Variants in FAM227B observed in about 807,000 individuals in gnomAD.
FAM227B encodes family with sequence similarity 227 member B.
FAM227B carries 88 observed loss-of-function variants against 73.8 expected under a neutral mutation model. The ratio of observed to expected loss-of-function variants is 1.19; its 90% confidence interval spans 1.00 to 1.42. FAM227B has a LOEUF of 1.42. Ranked by LOEUF, FAM227B falls within the 40% of genes most tolerant of loss-of-function variation. FAM227B has a pLI of 0.00. For synonymous variants in FAM227B, 210 were observed against 190.5 expected, an observed-to-expected ratio of 1.10 and a Z score of -0.84; for missense variants, 632 against 590.9, an observed-to-expected ratio of 1.07 and a Z score of -0.72.
chr15:49,583,486 T>G (rs75410533), intron 5 of FAM227B, among the ~76,000 whole-genome samples: 1 of 152,128 alleles, frequency 6.6e-6, no homozygotes, highest in Non-Finnish European at 1.5e-5. Context: ...GTCAGGAGGT[T>G]ACTCTTTTTG....
intron 13 of FAM227B, 75 bp downstream of exon 13, chr15:49,367,373 T>G: frequency 1.8e-5 from 23 of 1,268,996 alleles, no homozygotes; most frequent in Non-Finnish European, 2.2e-5. Flanking sequence ...GTTTCTCAAT[T>G]GAGACATTCA....
Position 49,328,700 on chromosome 15 carries a change from G to A in FAM227B, c.1420-25C>T, listed in dbSNP as rs368311811. ...GCTATGAAAATAATACATGATTAAA[G>A]TTTCACAGATCTTCTTGGACATTGT... is the stretch of plus-strand genomic sequence containing the variant. On this transcript the variant is annotated intron_variant, in intron 15 of 15. Transcript: ENST00000299338. 4 of 1,547,744 alleles carry A rather than the reference G, an allele frequency of 2.6e-6. No homozygotes were observed. The African/African-American group carries it at 5.5e-5, about 21-fold the overall frequency.
chr15:49,539,436 C>A (rs896223078), intron 10 of FAM227B, among the ~76,000 whole-genome samples: 1 of 152,164 alleles, frequency 6.6e-6, no homozygotes, highest in Non-Finnish European at 1.5e-5. Context: ...TCAGTGCCCA[C>A]AAAATGGCCA....
At chr15:49,329,019 TCTTTTTCTACTA>T (rs1346496022) in intron 15 of FAM227B, 29 of 521,160 alleles carry the variant, frequency 5.6e-5, no homozygotes, top group Non-Finnish European at 5.8e-5. Context: ...TTCTTATCAC[TCTTTTTCTACTA>T]CTTTTTCTCA....
At chr15:49,387,937 T>A (rs761974650) in intron 11 of FAM227B, among the ~76,000 whole-genome samples, 1 of 151,568 alleles carries the variant, frequency 6.6e-6, no homozygotes, top group African/African-American at 2.4e-5. Context: ...AGGTGAAAGA[T>A]CTCTACAAGG....
chr15:49,407,720 T>C (rs556204525), intron 11 of FAM227B, among the ~76,000 whole-genome samples: 2 of 150,214 alleles, frequency 1.3e-5, no homozygotes, highest in Non-Finnish European at 3.0e-5. Context: ...GTATCATTTA[T>C]ATGCTGTAAT....
At position 49,431,386 on chromosome 15, in the gene FAM227B, T is replaced by C. The variant is rs1275544864; in HGVS notation, c.1013-59987A>G. Among the ~76,000 whole-genome samples the C allele has an allele frequency of 4.0e-5, 6 of 151,814 alleles. No individual in the cohort carries two copies. The East Asian group carries it at 1.2e-3, about 29-fold the overall frequency. Reference sequence around the variant, plus strand: ...GTCAAATTCACTAACAAAAATGTCATTAAAGTTCCTTAACTATGTGTATGA... The same window carrying C: ...GTCAAATTCACTAACAAAAATGTCACTAAAGTTCCTTAACTATGTGTATGA... On this transcript the variant is annotated intron_variant, in intron 11 of 15. Transcript: ENST00000299338.
chr15:49,562,526 A>C (rs1003300660), intron 9 of FAM227B, among the ~76,000 whole-genome samples: 7 of 152,006 alleles, frequency 4.6e-5, no homozygotes, highest in Admixed American at 6.6e-5. Flanking sequence ...CTCTGATACC[A>C]AAATCTGGAA....
At chr15:49,384,136 C>G (rs760976365) in intron 11 of FAM227B, among the ~76,000 whole-genome samples, 1 of 151,974 alleles carries the variant, frequency 6.6e-6, no homozygotes, top group Non-Finnish European at 1.5e-5. Flanking sequence ...TAGGATGTAC[C>G]TATTAATGTC....
chr15:49,465,372 G>T (rs946249400), intron 11 of FAM227B, among the ~76,000 whole-genome samples: 5 of 151,230 alleles, frequency 3.3e-5, no homozygotes, highest in African/African-American at 1.2e-4. Context: ...CTGAGCTCAA[G>T]TGATCTGCCC....
At chr15:49,559,265 C>T (rs1215585268) in intron 9 of FAM227B, among the ~76,000 whole-genome samples, 11 of 152,120 alleles carry the variant, frequency 7.2e-5, no homozygotes, top group Non-Finnish European at 5.9e-5. Context: ...TCCCATTAAC[C>T]CTCATCAGGG....
chr15:49,334,333 A>C, intron 14 of FAM227B: 1 of 615,252 alleles, frequency 1.6e-6, no homozygotes, highest in Non-Finnish European at 2.0e-6. Context: ...AAAATAATGC[A>C]GGCATTACTA....
chr15:49,616,499 T>C (rs911044090), intron 1 of FAM227B, among the ~76,000 whole-genome samples: 3 of 152,146 alleles, frequency 2.0e-5, no homozygotes, highest in South Asian at 4.1e-4. Context: ...ACTTAACTGA[T>C]GCTCTGTCTA....
At chr15:49,478,609 C>T (rs12593151) in intron 11 of FAM227B, among the ~76,000 whole-genome samples, 38,564 of 151,908 alleles carry the variant, frequency 0.25, 5,752 homozygotes, top group Non-Finnish European at 0.35. Context: ...TATATTTGAT[C>T]AAGGACAAGA....
intron 11 of FAM227B, among the ~76,000 whole-genome samples, chr15:49,389,151 C>T (rs1023083966): frequency 6.6e-6 from 1 of 151,768 alleles, no homozygotes; most frequent in African/African-American, 2.4e-5. Flanking sequence ...GGTATCTACC[C>T]AAAGAAAGAA....
chr15:49,532,776 G>A (rs2060707785), intron 10 of FAM227B, among the ~76,000 whole-genome samples: 1 of 151,812 alleles, frequency 6.6e-6, no homozygotes, highest in South Asian at 2.1e-4. Flanking sequence ...ATTTTTCTAA[G>A]ATCATAGAGT....
At chr15:49,473,142 G>T (rs765346317) in intron 11 of FAM227B, among the ~76,000 whole-genome samples, 11 of 152,046 alleles carry the variant, frequency 7.2e-5, no homozygotes, top group Non-Finnish European at 1.5e-4. Context: ...ATTTAGAAAA[G>T]AATGGTTTGA....
In FAM227B at chr15:49,331,820, T is replaced by C; in HGVS notation, c.1379A>G (p.His460Arg). The C allele has an allele frequency of 6.2e-7, 1 of 1,610,362 alleles. No individual in the cohort carries two copies. Among genetic ancestry groups the C allele is most frequent in the Non-Finnish European group, 8.5e-7 (1 of 1,176,630 alleles). ...ILQAKATKKP[H>R]EVKQDFEKFL... ...CTTCTCAAAGTCCTGTTTCACTTCA[T>C]GAGGTTTCTTGGTAGCCTTTGCTTG... The change falls in exon 15 of 16, where the codon CAT becomes CGT. Residue 460 changes from histidine (H) to arginine (R), a missense_variant. His to Arg is a conservative substitution (Grantham distance 29, BLOSUM62 0). Transcript: ENST00000299338.
At position 49,503,678 on chromosome 15, in the gene FAM227B, C is replaced by T. The variant is rs534557420; in HGVS notation, c.1012+4533G>A. The stretch of plus-strand genomic sequence containing the variant: ...CAGCCAAAAGACACATGAAAAAATG[C>T]TCATCATCACTGGCCACCAGAGAAA... On this transcript the variant is annotated intron_variant, in intron 11 of 15. Transcript: ENST00000299338. 9.2e-4 allele frequency among the ~76,000 whole-genome samples: 140 copies of T among 152,198 alleles called. 5 individuals are homozygous for T. In the South Asian group the frequency reaches 0.027, roughly 29 times the overall value.
Sources: gnomAD v4.1 joint callset for allele counts (sites outside exome capture counted in the v4.1 genomes callset) on GRCh38, gnomAD v4.1.1 for gene constraint, MANE v1.5 for transcripts, NCBI Gene and HGNC (gene_info 2026-07-23, HGNC 2026-07-21) for gene names.